MYT1: variants seen among roughly 807,000 people sequenced by gnomAD.
MYT1 encodes myelin transcription factor 1.
MYT1 carries 23 observed loss-of-function variants against 123.0 expected under a neutral mutation model. The ratio of observed to expected loss-of-function variants is 0.19; its 90% CI spans 0.13 to 0.26. The LOEUF (loss-of-function observed/expected upper bound fraction) is 0.26. Ranked by LOEUF, MYT1 falls within the 10% of genes least tolerant of loss-of-function variation. The pLI is 1.00. For missense variants in MYT1, 1,125 were observed against 1,472.5 expected (o/e 0.76, Z 3.86); for synonymous variants, 518 against 575.3 (o/e 0.90, Z 1.43).
In MYT1 at chr20:64,174,127, TCTC is replaced by T. The variant is rs57326381; in HGVS notation, c.-99+9394_-99+9396del. Among the ~76,000 whole-genome samples the T allele has an allele frequency of 9.3e-4, 3 of 3,232 alleles. 1 individual carries two copies. Among genetic ancestry groups the T allele is most frequent in the Non-Finnish European group, 1.6e-3 (3 of 1,914 alleles). 2.1% of individuals were successfully genotyped at this position (3,232 alleles called of 152,430 possible). A position where few individuals can be genotyped will look rare whatever the true frequency, so the allele number is the denominator to read the frequency against. ...TTGTGTCCATTTCCCCTCCCTGGCT[TCTC>T]CTCCTGCAGCATCTTTCCCTGTAGT... On this transcript the variant is annotated intron_variant, in intron 1 of 22. Transcript: ENST00000328439.
intron 1 of MYT1, among the ~76,000 whole-genome samples, chr20:64,173,124 G>A (rs2145689902): frequency 6.6e-6 from 1 of 152,238 alleles, no homozygotes; most frequent in African/African-American, 2.4e-5. Flanking sequence ...TGTTCTCTGT[G>A]TTCTACCCCT....
intron 21 of MYT1, among the ~76,000 whole-genome samples, chr20:64,239,294 T>C (rs187078): frequency 0.29 from 44,040 of 152,014 alleles, 7,999 homozygotes; most frequent in African/African-American, 0.51. Context: ...AGTCTGACAC[T>C]CCACGGGGGG....
Position 64,231,384 on chromosome 20 carries a change from T to C in MYT1, c.2676-780T>C, listed in dbSNP as rs996925155. On this transcript the variant is annotated intron_variant, in intron 18 of 22. Transcript: ENST00000328439. This position sits in a 1 kb window ranked among gnomAD's most constrained non-coding sequence, Gnocchi z 6.4. ...TGGGCCTGGGCCCTCTGCGCTGTCCTGTTTGTCTCTGACCCACACTGAGCC... is the reference window on the plus strand; with the variant it reads ...TGGGCCTGGGCCCTCTGCGCTGTCCCGTTTGTCTCTGACCCACACTGAGCC... Among the ~76,000 whole-genome samples, 4 of 152,212 alleles carry C rather than the reference T, an allele frequency of 2.6e-5. No individual in the cohort carries two copies.
rs958988956 is a variant in MYT1 at position 64,202,245 on chromosome 20, G to A, written c.86+2323G>A. Among the ~76,000 whole-genome samples the A allele has an allele frequency of 1.3e-5, 2 of 152,224 alleles. No homozygotes were observed. Among genetic ancestry groups the A allele is most frequent in the Admixed American group, 1.3e-4 (2 of 15,290 alleles). The stretch of plus-strand genomic sequence containing the variant: ...GAGAGGTTGGACTTGGATCGAGCAG[G>A]ACCCTGAGCTGCTATTTCCGACCTC... On this transcript the variant is annotated intron_variant, in intron 4 of 22. Coordinates refer to ENST00000328439, the MANE Select transcript of MYT1 (RefSeq NM_004535.3). This position sits in a 1 kb window ranked among gnomAD's most constrained non-coding sequence, Gnocchi z 5.0.
At chr20:64,209,042 C>T (rs1309783119) in intron 7 of MYT1, among the ~76,000 whole-genome samples, 1 of 152,114 alleles carries the variant, frequency 6.6e-6, no homozygotes, top group Admixed American at 6.6e-5. Context: ...CCCCTGATCG[C>T]ACGGAGTGGC....
intron 18 of MYT1, among the ~76,000 whole-genome samples, chr20:64,230,848 T>C (rs894219743): frequency 6.6e-5 from 10 of 152,286 alleles, no homozygotes; most frequent in African/African-American, 2.4e-4. Flanking sequence ...GAGAGGGGCC[T>C]GTGGAGAGAG....
Position 64,240,403 on chromosome 20 carries a change from C to A in MYT1, c.3321C>A (p.Asp1107Glu). ...CCAACCAGGACCCGGAGAACAAGGA[C>A]CTCCTGGAGAGCATCAAGCAGGCTG... Reference protein sequence around the residue: ...MYSNQDPENKDLLESIKQAVR... With the variant: ...MYSNQDPENKELLESIKQAVR... The change falls in exon 23 of 23, where the codon GAC becomes GAA. Residue 1107 changes from aspartate to glutamate, a missense_variant. Transcript: ENST00000328439. The A allele has an allele frequency of 6.2e-7, 1 of 1,613,932 alleles. No homozygotes were observed.
chr20:64,180,900 G>T (rs79373835), intron 1 of MYT1, among the ~76,000 whole-genome samples: 1 of 152,192 alleles, frequency 6.6e-6, no homozygotes, highest in Non-Finnish European at 1.5e-5. Context: ...CCCTGCCCTC[G>T]CTTCCCTTAC....
chr20:64,201,639 G>A (rs1298800956), intron 4 of MYT1, among the ~76,000 whole-genome samples: 2 of 152,332 alleles, frequency 1.3e-5, no homozygotes, highest in Middle Eastern at 3.4e-3. Flanking sequence ...CCCAGCCATC[G>A]TGGGAGCATT....
Position 64,232,031 on chromosome 20 carries a change from GCCCTC to G in MYT1, c.2676-130_2676-126del. ...TCCCTGAGGCTCCAGGACCTCAGCG[GCCCTC>G]CCTGCCTCACTCAGAAGCCCTTTAA... is the stretch of plus-strand genomic sequence containing the variant. On this transcript the variant is annotated intron_variant, in intron 18 of 22. Coordinates refer to ENST00000328439, the MANE Select transcript of MYT1 (RefSeq NM_004535.3). The surrounding 1 kb of genome is among the most constrained non-coding windows in gnomAD (Gnocchi z 6.9). 1.2e-6 allele frequency: 1 copy of G among 841,434 alleles called. No individual in the cohort carries two copies. Among genetic ancestry groups the G allele is most frequent in the Non-Finnish European group, 1.8e-6 (1 of 541,124 alleles). 52.1% of individuals were successfully genotyped at this position (841,434 alleles called of 1,614,324 possible).
chr20:64,236,506 G>A (rs745524255), intron 19 of MYT1, 49 bp from the exon 20 acceptor site: 15 of 1,502,474 alleles, frequency 1.0e-5, no homozygotes, highest in Middle Eastern at 1.7e-4. Context: ...TGGGATGGTC[G>A]TGGTGGGTGA....
rs528052688 is a variant in MYT1, at chr20:64,232,603, C to G, written c.2897+218C>G. ...GTTATGTCTTCGCCATGCGTCTCCC[C>G]TCATACGCCACCCTTCCACATCCTG... On this transcript the variant is annotated intron_variant, in intron 19 of 22. Coordinates refer to ENST00000328439, the MANE Select transcript of MYT1 (RefSeq NM_004535.3). The surrounding 1 kb of genome is among the most constrained non-coding windows in gnomAD (Gnocchi z 6.9). Among the ~76,000 whole-genome samples the G allele has an allele frequency of 1.4e-4, 22 of 152,276 alleles. 1 individual carries two copies. The South Asian group carries it at 3.3e-3, about 23-fold the overall frequency.
chr20:64,222,063 G>T lies in MYT1; in HGVS notation c.2396+16G>T. The stretch of plus-strand genomic sequence containing the variant: ...AGCTGCTCACGTAAGTCCCTGTTTG[G>T]CTGGCACAGCTCCTAGGGGACCCTC... On this transcript the variant is annotated intron_variant, in intron 14 of 22. Transcript: ENST00000328439. 2 of 1,611,974 alleles carry T rather than the reference G, an allele frequency of 1.2e-6. No homozygotes were observed. The highest frequency in any genetic ancestry group is 1.7e-6 in the Non-Finnish European group (2 of 1,179,784).
chr20:64,219,295 C>T (rs1436182316), intron 12 of MYT1, among the ~76,000 whole-genome samples: 1 of 152,208 alleles, frequency 6.6e-6, no homozygotes, highest in Non-Finnish European at 1.5e-5. Context: ...AGGTTGTGTG[C>T]ACACCATGCG....
intron 8 of MYT1, among the ~76,000 whole-genome samples, chr20:64,211,616 G>C (rs1252527359): frequency 1.3e-5 from 2 of 152,212 alleles, no homozygotes; most frequent in Non-Finnish European, 2.9e-5. Flanking sequence ...GATGGGAGGG[G>C]GACAGGCTAG....
chr20:64,221,937 C>A lies in MYT1; in HGVS notation c.2286C>A (p.Asp762Glu). 6.2e-7 allele frequency: 1 copy of A among 1,613,702 alleles called. No homozygotes were observed. The highest frequency in any genetic ancestry group is 1.1e-5 in the South Asian group (1 of 91,054). ...CTTTTGCTTCTTCTGAAGCAGATGACCAGGAAGTGTCGGAAGAGAATTTTG... is the reference window on the plus strand; with the variant it reads ...CTTTTGCTTCTTCTGAAGCAGATGAACAGGAAGTGTCGGAAGAGAATTTTG... ...AHSFASSEADDQEVSEENFEE... is the reference protein window; with the variant it reads ...AHSFASSEADEQEVSEENFEE... Residue 762 changes from aspartate to glutamate, a missense_variant, in exon 14 of 23, where the codon GAC becomes GAA. Physicochemically the swap from Asp to Glu is conservative, Grantham distance 45. This residue lies in a region of MYT1 where 429 missense variants were observed against 604.1 expected (regional missense o/e 0.71). Coordinates refer to ENST00000328439, the MANE Select transcript of MYT1 (RefSeq NM_004535.3).
At chr20:64,198,247 A>C (rs966437270) in intron 2 of MYT1, among the ~76,000 whole-genome samples, 1 of 137,838 alleles carries the variant, frequency 7.3e-6, no homozygotes, top group Admixed American at 8.2e-5. Context: ...AGATCGCGCC[A>C]CTGCACTCCA....
intron 10 of MYT1, among the ~76,000 whole-genome samples, chr20:64,215,775 T>G (rs1432103848): frequency 6.6e-6 from 1 of 151,776 alleles, no homozygotes; most frequent in Non-Finnish European, 1.5e-5. Flanking sequence ...TTTTTTTTCT[T>G]TTTTTTGTAG....
chr20:64,208,132 C>A lies in MYT1; in HGVS notation c.936C>A (p.Ile312=). 6.2e-7 allele frequency: 1 copy of A among 1,612,484 alleles called. No homozygotes were observed. The highest frequency in any genetic ancestry group is 2.2e-5 in the East Asian group (1 of 44,848). ...EEEEEAAPDV[I]FQEDTSHTSA... ...AGGAGGAGGCAGCTCCTGATGTGAT[C>A]TTTCAGGAAGACACCTCTCACACCT... is the stretch of plus-strand genomic sequence containing the variant. Residue 312 remains isoleucine, a synonymous_variant, in exon 7 of 23, where the codon ATC becomes ATA. Transcript: ENST00000328439. This position sits in a 1 kb window ranked among gnomAD's most constrained non-coding sequence, Gnocchi z 5.4.
Sources: allele counts gnomAD v4.1 joint callset (sites outside exome capture counted in the v4.1 genomes callset), GRCh38; gene constraint gnomAD v4.1.1; regional missense constraint gnomAD v4.1.1; non-coding constraint Gnocchi (gnomAD v3.1); transcripts MANE v1.5; gene names NCBI Gene and HGNC (gene_info 2026-07-23, HGNC 2026-07-21).